The following JARID2 variants were observed in gnomAD, a reference collection of about 807,000 sequenced individuals.
JARID2 encodes the protein protein Jumonji.
Under a neutral mutation model 125.6 loss-of-function variants are expected in JARID2, and 21 were observed. The observed-to-expected ratio is 0.17, with a 90% CI of 0.12 to 0.24. JARID2 has a LOEUF of 0.24. Among genes scored for constraint, JARID2 ranks in the 10% least tolerant of loss-of-function variants. The pLI is 1.00. For synonymous variants in JARID2, 736 were observed against 661.6 expected (o/e 1.11, Z -1.73); for missense variants, 1,303 against 1,639.6 (o/e 0.79, Z 3.55).
chr6:15,482,916 T>A (rs1238616085), intron 5 of JARID2, among the ~76,000 whole-genome samples: 11 of 151,966 alleles, frequency 7.2e-5, no homozygotes, highest in Admixed American at 7.2e-4. Flanking sequence ...AGTGAGTTCT[T>A]GTTAGCACCT....
chr6:15,267,629 A>G (rs1484298389), intron 1 of JARID2, among the ~76,000 whole-genome samples: 2 of 152,124 alleles, frequency 1.3e-5, no homozygotes, highest in Non-Finnish European at 2.9e-5. Flanking sequence ...TATGAAGGAT[A>G]TTTTTTGGCT....
intron 3 of JARID2, among the ~76,000 whole-genome samples, chr6:15,423,241 C>T (rs1368079400): frequency 6.6e-6 from 1 of 152,118 alleles, no homozygotes; most frequent in Non-Finnish European, 1.5e-5. Context: ...CTTGGTTGAT[C>T]TGCCTGACTC....
intron 1 of JARID2, among the ~76,000 whole-genome samples, chr6:15,283,445 A>G (rs1367171448): frequency 1.4e-5 from 2 of 142,064 alleles, no homozygotes; most frequent in Non-Finnish European, 3.0e-5. Flanking sequence ...GGTTCATGCC[A>G]TTCTCCTGCC....
chr6:15,414,021 T>A (rs1449884832), intron 3 of JARID2, among the ~76,000 whole-genome samples: 1 of 152,216 alleles, frequency 6.6e-6, no homozygotes, highest in Non-Finnish European at 1.5e-5. Context: ...AATTGCTAGT[T>A]AGCTATACTT....
chr6:15,511,099 G>A (rs1771256081), intron 12 of JARID2, among the ~76,000 whole-genome samples, 197 bp from the exon 13 acceptor site: 1 of 152,244 alleles, frequency 6.6e-6, no homozygotes, highest in Admixed American at 6.5e-5. Flanking sequence ...TGTGTGCTAG[G>A]TGGACGTGGC....
intron 3 of JARID2, among the ~76,000 whole-genome samples, chr6:15,433,906 G>T (rs1767080615): frequency 6.8e-6 from 1 of 146,434 alleles, no homozygotes. Flanking sequence ...TTTTCCAGTA[G>T]CCCTCACTCT....
At chr6:15,441,521 T>C (rs1447241223) in intron 3 of JARID2, among the ~76,000 whole-genome samples, 1 of 152,192 alleles carries the variant, frequency 6.6e-6, no homozygotes, top group Non-Finnish European at 1.5e-5. Flanking sequence ...CCCTTTTCTA[T>C]TTGTTACCCT....
At chr6:15,487,578 AC>A (rs767096472) in intron 6 of JARID2, 36 bp downstream of exon 6, 1 of 1,505,306 alleles carries the variant, frequency 6.6e-7, no homozygotes, top group East Asian at 2.3e-5. Context: ...TGTGTGCCAG[AC>A]CCCAGTTTCC....
At chr6:15,339,659 C>T (rs1763002365) in intron 1 of JARID2, among the ~76,000 whole-genome samples, 1 of 152,104 alleles carries the variant, frequency 6.6e-6, no homozygotes, top group Admixed American at 6.5e-5. Flanking sequence ...CCTCAGCCTC[C>T]TGAGTAGCTG....
intron 4 of JARID2, among the ~76,000 whole-genome samples, chr6:15,452,976 G>T (rs1291260675): frequency 6.6e-6 from 1 of 152,090 alleles, no homozygotes. Flanking sequence ...AAACCTTGAG[G>T]TTCATAGTCA....
chr6:15,473,514 G>GCCCCCCCCCCCCCCCCCCCCCCCCCCC (rs3841758), intron 5 of JARID2, among the ~76,000 whole-genome samples: 1 of 35,000 alleles, frequency 2.9e-5, no homozygotes, highest in Non-Finnish European at 7.4e-5. Flanking sequence ...TGATGTGCGT[G>GCCCCCCCCCCCCCCCCCCCCCCCCCCC]CCCCCCCCCC....
At chr6:15,283,010 A>G (rs778851996) in intron 1 of JARID2, among the ~76,000 whole-genome samples, 33 of 149,608 alleles carry the variant, frequency 2.2e-4, no homozygotes, top group African/African-American at 6.9e-4. Flanking sequence ...ACGGAGTCTC[A>G]CTCTGTTGCC....
chr6:15,394,633 CTT>C (rs1765150262), intron 2 of JARID2, among the ~76,000 whole-genome samples: 1 of 152,156 alleles, frequency 6.6e-6, no homozygotes, highest in Non-Finnish European at 1.5e-5. Context: ...ACTAAATCTT[CTT>C]CTTGAAGAAA....
At chr6:15,507,956 A>G (rs921536985) in intron 11 of JARID2, among the ~76,000 whole-genome samples, 2 of 152,230 alleles carry the variant, frequency 1.3e-5, no homozygotes, top group Admixed American at 6.5e-5. Flanking sequence ...AGGCCTTACC[A>G]ACAAAGGGGC....
chr6:15,393,507 A>G (rs1765103762), intron 2 of JARID2, among the ~76,000 whole-genome samples: 1 of 152,220 alleles, frequency 6.6e-6, no homozygotes, highest in African/African-American at 2.4e-5. Context: ...TGTAAATTTT[A>G]AAATTGCCTT....
chr6:15,313,124 A>G (rs1762070464), intron 1 of JARID2, among the ~76,000 whole-genome samples: 1 of 152,122 alleles, frequency 6.6e-6, no homozygotes, highest in Non-Finnish European at 1.5e-5. Context: ...TTGCCGTCGG[A>G]GCTTTTTTTA....
chr6:15,453,547 T>C (rs1405643258), intron 4 of JARID2, among the ~76,000 whole-genome samples: 2 of 152,218 alleles, frequency 1.3e-5, no homozygotes, highest in Non-Finnish European at 2.9e-5. Context: ...AGGAGTAAAG[T>C]TGCCCGTCTC....
chr6:15,474,788 CT>C (rs1196253938), intron 5 of JARID2, among the ~76,000 whole-genome samples: 4 of 152,208 alleles, frequency 2.6e-5, no homozygotes, highest in African/African-American at 9.7e-5. Context: ...TCTTCTTTCC[CT>C]GAGATAATAG....
At chr6:15,440,844 TTG>T (rs1191855136) in intron 3 of JARID2, among the ~76,000 whole-genome samples, 15 of 152,226 alleles carry the variant, frequency 9.9e-5, no homozygotes, top group Non-Finnish European at 2.1e-4. Flanking sequence ...TAAATTATGA[TTG>T]TGTTTCCTTA....
Sources: gnomAD v4.1 joint callset for allele counts (sites outside exome capture counted in the v4.1 genomes callset) on GRCh38, gnomAD v4.1.1 for gene constraint, MANE v1.5 for transcripts, NCBI Gene and HGNC (gene_info 2026-07-23, HGNC 2026-07-21) for gene names.